GPC5: variants seen among roughly 807,000 people sequenced by gnomAD.
The protein encoded by GPC5 is glypican 5.
A neutral mutation model predicts 53.9 loss-of-function variants in GPC5; 47 were observed. That is an observed-to-expected ratio of 0.87 (90% CI 0.69 to 1.11). GPC5 has a LOEUF of 1.11. Ranked by LOEUF, GPC5 falls within the 50% of genes most tolerant of loss-of-function variation. The pLI is 0.00. For missense variants in GPC5, 748 were observed against 713.1 expected (o/e 1.05, Z -0.56); for synonymous variants, 286 against 263.3 (o/e 1.09, Z -0.84).
At chr13:91,686,514 T>G (rs1417722201) in intron 2 of GPC5, among the ~76,000 whole-genome samples, 1 of 152,114 alleles carries the variant, frequency 6.6e-6, no homozygotes, top group East Asian at 1.9e-4. Flanking sequence ...TTAGGAAATA[T>G]GCAAATACAA....
chr13:92,527,255 GAAAGAAAGAAAGAAA>G (rs1881390978), intron 7 of GPC5, among the ~76,000 whole-genome samples: 1 of 78,302 alleles, frequency 1.3e-5, no homozygotes, highest in Admixed American at 1.2e-4. Flanking sequence ...GAAAGAGAAA[GAAAGAAAGAAAGAAA>G]GAAAGAAAGA....
At chr13:91,927,958 A>T (rs898867715) in intron 6 of GPC5, among the ~76,000 whole-genome samples, 13 of 152,218 alleles carry the variant, frequency 8.5e-5, no homozygotes, top group African/African-American at 3.1e-4. Flanking sequence ...TTCTTGAGGT[A>T]TCTAAAATAC....
At chr13:92,379,484 C>T (rs954065450) in intron 7 of GPC5, among the ~76,000 whole-genome samples, 2 of 152,142 alleles carry the variant, frequency 1.3e-5, no homozygotes, top group African/African-American at 4.8e-5. Flanking sequence ...CTGTCCTCTG[C>T]ACGTTAGTTC....
intron 7 of GPC5, among the ~76,000 whole-genome samples, chr13:92,737,368 C>A (rs1888964576): frequency 6.6e-6 from 1 of 152,036 alleles, no homozygotes; most frequent in African/African-American, 2.4e-5. Flanking sequence ...CAGCTTCAGG[C>A]CCGTCAGGAA....
chr13:91,922,757 TGTACCCAG>T, intron 6 of GPC5, among the ~76,000 whole-genome samples: 1 of 152,342 alleles, frequency 6.6e-6, no homozygotes, highest in Admixed American at 6.5e-5. Flanking sequence ...ACCCATTTTC[TGTACCCAG>T]GTATCTAGGT....
At chr13:91,985,147 A>G (rs1226643735) in intron 6 of GPC5, among the ~76,000 whole-genome samples, 2 of 152,156 alleles carry the variant, frequency 1.3e-5, no homozygotes, top group Non-Finnish European at 2.9e-5. Flanking sequence ...TATTTGTTGT[A>G]TGCACATTTA....
At chr13:91,617,725 G>A (rs1028586098) in intron 2 of GPC5, among the ~76,000 whole-genome samples, 1 of 151,780 alleles carries the variant, frequency 6.6e-6, no homozygotes, top group African/African-American at 2.4e-5. Context: ...GGATAAAGAA[G>A]TGAACAAAAC....
intron 7 of GPC5, among the ~76,000 whole-genome samples, chr13:92,479,338 T>G (rs542979606): frequency 6.6e-6 from 1 of 152,272 alleles, no homozygotes; most frequent in East Asian, 1.9e-4. Flanking sequence ...AAGAAAGCCT[T>G]TATCATAGAA....
Position 92,579,296 on chromosome 13 carries a change from TCTCTCC to T in GPC5, c.1562-286982_1562-286977del, listed in dbSNP as rs1388995170. ...CTCCCTCTCTCTCTCTCTCTCTCTC[TCTCTCC>T]CTCCCTCCCTCCCTCCCTCCCTCTC... On this transcript the variant is annotated intron_variant, in intron 7 of 7. Transcript: ENST00000377067. Among the ~76,000 whole-genome samples, 6 of 69,906 alleles carry T rather than the reference TCTCTCC, an allele frequency of 8.6e-5. 1 individual carries two copies. Among genetic ancestry groups the T allele is most frequent in the African/African-American group, 3.8e-4 (5 of 13,054 alleles). 45.9% of individuals were successfully genotyped at this position (69,906 alleles called of 152,430 possible).
chr13:92,559,425 T>A (rs1459871637), intron 7 of GPC5, among the ~76,000 whole-genome samples: 1 of 151,130 alleles, frequency 6.6e-6, no homozygotes, highest in Non-Finnish European at 1.5e-5. Flanking sequence ...TTTTCACGTC[T>A]TAAAAATCCT....
At chr13:92,526,021 A>G (rs892450425) in intron 7 of GPC5, among the ~76,000 whole-genome samples, 6 of 152,124 alleles carry the variant, frequency 3.9e-5, no homozygotes, top group Admixed American at 6.6e-5. Flanking sequence ...TTGATTACAT[A>G]AACATGTTCA....
intron 2 of GPC5, among the ~76,000 whole-genome samples, chr13:91,563,970 G>A (rs959153696): frequency 1.3e-5 from 2 of 152,112 alleles, no homozygotes; most frequent in African/African-American, 4.8e-5. Flanking sequence ...AGTTGGAAGT[G>A]AGTGTTTCGC....
chr13:92,831,580 A>C (rs543503999), intron 7 of GPC5, among the ~76,000 whole-genome samples: 2 of 152,300 alleles, frequency 1.3e-5, no homozygotes, highest in African/African-American at 4.8e-5. Flanking sequence ...AATCATAGAG[A>C]CAAAGACTTT....
At chr13:92,116,273 A>C (rs1566441959) in intron 6 of GPC5, among the ~76,000 whole-genome samples, 4 of 6,584 alleles carry the variant, frequency 6.1e-4, no homozygotes, top group Admixed American at 3.4e-3. Context: ...AAACAAACAA[A>C]AAAAAAAAAA....
chr13:92,753,899 A>C (rs1874718696), intron 7 of GPC5, among the ~76,000 whole-genome samples: 3 of 152,188 alleles, frequency 2.0e-5, no homozygotes, highest in Admixed American at 2.0e-4. Context: ...AAGTTGGAAA[A>C]CACTCTGCAG....
chr13:92,052,012 G>A (rs1294268617), intron 6 of GPC5, among the ~76,000 whole-genome samples: 1 of 152,182 alleles, frequency 6.6e-6, no homozygotes, highest in Non-Finnish European at 1.5e-5. Flanking sequence ...TATTCCCTGA[G>A]GGTGAGAGAC....
intron 7 of GPC5, among the ~76,000 whole-genome samples, chr13:92,547,387 A>G (rs1027482475): frequency 5.3e-5 from 8 of 152,348 alleles, no homozygotes; most frequent in African/African-American, 1.9e-4. Context: ...TGCTATTCAC[A>G]AAGTCCTAAA....
chr13:92,822,162 A>C (rs2138811109), intron 7 of GPC5, among the ~76,000 whole-genome samples: 1 of 152,284 alleles, frequency 6.6e-6, no homozygotes, highest in Non-Finnish European at 1.5e-5. Context: ...TTAAGTGTAC[A>C]TAATACAGAG....
chr13:91,935,990 A>G (rs1326594940), intron 6 of GPC5, among the ~76,000 whole-genome samples: 1 of 151,930 alleles, frequency 6.6e-6, no homozygotes, highest in Non-Finnish European at 1.5e-5. Flanking sequence ...TGAGATCCTT[A>G]CAAATATTAC....
Sources: allele counts gnomAD v4.1 joint callset (sites outside exome capture counted in the v4.1 genomes callset), GRCh38; gene constraint gnomAD v4.1.1; transcripts MANE v1.5; gene names NCBI Gene and HGNC (gene_info 2026-07-23, HGNC 2026-07-21).